CPSF2: variants seen among roughly 807,000 people sequenced by gnomAD.
The protein encoded by CPSF2 is cleavage and polyadenylation specificity factor subunit 2.
CPSF2 carries 51 observed loss-of-function variants against 84.2 expected under a neutral mutation model. The observed-to-expected ratio is 0.61, with a 90% CI of 0.48 to 0.77. The LOEUF (loss-of-function observed/expected upper bound fraction) is 0.77, where lower values mean the gene tolerates loss of function less well. Among genes scored for constraint, CPSF2 ranks in the 30% least tolerant of loss-of-function variants. The probability of loss-of-function intolerance (pLI) is 0.00; values close to 1 mark genes in which losing one functional copy is unlikely to be tolerated. For synonymous variants in CPSF2, 286 were observed against 311.9 expected, an observed-to-expected ratio of 0.92 and a Z score of 0.87; for missense variants, 641 against 929.4, an observed-to-expected ratio of 0.69 and a Z score of 4.03.
intron 6 of CPSF2, among the ~76,000 whole-genome samples, chr14:92,137,451 T>G (rs758587887): frequency 6.6e-6 from 1 of 152,298 alleles, no homozygotes; most frequent in Non-Finnish European, 1.5e-5. Flanking sequence ...TCCAGTGATC[T>G]GCCCACCTCT....
In CPSF2 at chr14:92,157,458, G is replaced by T. The variant is rs2069304622; in HGVS notation, c.1596-201G>T. 6.6e-6 allele frequency among the ~76,000 whole-genome samples: 1 copy of T among 152,138 alleles called. No homozygotes were observed. Among genetic ancestry groups the T allele is most frequent in the Non-Finnish European group, 1.5e-5 (1 of 68,020 alleles). Reference sequence around the variant, plus strand: ...GGAGGTAGAGGTTGCAATGAGCGAAGATCATGCTACTGCACTCTAGCCTGG... The same window carrying T: ...GGAGGTAGAGGTTGCAATGAGCGAATATCATGCTACTGCACTCTAGCCTGG... On this transcript the variant is annotated intron_variant, in intron 12 of 15. Coordinates refer to ENST00000298875, the MANE Select transcript of CPSF2 (RefSeq NM_017437.3). The surrounding 1 kb of genome is among the most constrained non-coding windows in gnomAD (Gnocchi z 4.0).
At chr14:92,148,778 A>AG (rs1261803092) in intron 9 of CPSF2, among the ~76,000 whole-genome samples, 1 of 150,558 alleles carries the variant, frequency 6.6e-6, no homozygotes, top group African/African-American at 2.4e-5. Context: ...TCTCAAAAAA[A>AG]AAAAAAAAAG....
At chr14:92,152,704 A>G (rs1237075968) in intron 9 of CPSF2, among the ~76,000 whole-genome samples, 7 of 152,132 alleles carry the variant, frequency 4.6e-5, no homozygotes, top group African/African-American at 1.2e-4. Flanking sequence ...CTCCCAAAGT[A>G]CTAGGATTAC....
At chr14:92,147,089 C>T (rs1326568998) in intron 9 of CPSF2, among the ~76,000 whole-genome samples, 2 of 152,142 alleles carry the variant, frequency 1.3e-5, no homozygotes, top group Admixed American at 6.5e-5. Context: ...CTCTTCCCAC[C>T]ATCAACTAGA....
intron 3 of CPSF2, among the ~76,000 whole-genome samples, chr14:92,133,637 G>A (rs958209558): frequency 9.5e-6 from 1 of 105,182 alleles, no homozygotes; most frequent in Non-Finnish European, 2.0e-5. Context: ...TTTTTTTTTT[G>A]TATTTTTTAT....
rs772673425 is a variant in CPSF2, at chr14:92,133,999, G to A, written c.150-12G>A. 26 of 1,613,276 alleles carry A rather than the reference G, an allele frequency of 1.6e-5. No homozygotes were observed. The South Asian group carries it at 2.1e-4, about 13-fold the overall frequency. ...GATTCAAGAAGTAGTCCTTTGGATT[G>A]TGTTCTTGTAGGCATGTTCACCAGA... On this transcript the variant is annotated splice_polypyrimidine_tract_variant and intron_variant, in intron 3 of 15. Transcript: ENST00000298875.
chr14:92,140,436 T>C (rs1033740981), intron 7 of CPSF2, among the ~76,000 whole-genome samples: 14 of 143,776 alleles, frequency 9.7e-5, no homozygotes, highest in African/African-American at 2.3e-4. Flanking sequence ...CCCCATCTCT[T>C]TTTTTTTTTT....
intron 9 of CPSF2, 66 bp downstream of exon 9, chr14:92,143,360 A>G: frequency 9.4e-7 from 1 of 1,061,396 alleles, no homozygotes; most frequent in Non-Finnish European, 1.4e-6. Flanking sequence ...TGATGTAAAA[A>G]AATAGTGACC....
Position 92,170,792 on chromosome 14 carries a change from A to G in CPSF2, c.*9048A>G, listed in dbSNP as rs2069507901. 1 of 152,160 alleles carries G rather than the reference A, an allele frequency of 6.6e-6. No homozygotes were observed. 9.4% of individuals were successfully genotyped at this position (152,160 alleles called of 1,614,324 possible). A position where few individuals can be genotyped will look rare whatever the true frequency, so the allele number is the denominator to read the frequency against. ...GAGGTGATGCTGTCTTCTTCTCTGC[A>G]TTGTATCAGGAGGCACATCATGTCA... On this transcript the variant is annotated 3_prime_UTR_variant, in exon 16 of 16. Transcript: ENST00000298875.
rs1315324345 is a variant in CPSF2 at position 92,165,893 on chromosome 14, G to A, written c.*4149G>A. 1 of 56,722 alleles carries A rather than the reference G, an allele frequency of 1.8e-5. No homozygotes were observed. The highest frequency in any genetic ancestry group is 3.3e-4 in the Admixed American group (1 of 3,068). 3.5% of individuals were successfully genotyped at this position (56,722 alleles called of 1,614,324 possible). On this transcript the variant is annotated 3_prime_UTR_variant, in exon 16 of 16. Coordinates refer to ENST00000298875, the MANE Select transcript of CPSF2 (RefSeq NM_017437.3). ...TTTTTTTTTTTTGAGATGGAGTCTT[G>A]CTTTGTCACCCAGGCTGGAGTGCAG...
intron 7 of CPSF2, among the ~76,000 whole-genome samples, chr14:92,139,259 T>A (rs1276001638): frequency 6.6e-6 from 1 of 151,758 alleles, no homozygotes; most frequent in Non-Finnish European, 1.5e-5. Context: ...CTACTAAATA[T>A]ACAAAAAATT....
intron 1 of CPSF2, among the ~76,000 whole-genome samples, chr14:92,122,836 C>T (rs2068792267): frequency 1.3e-5 from 2 of 151,514 alleles, no homozygotes; most frequent in Admixed American, 6.6e-5. Context: ...CCCCTTTAAC[C>T]CCTTTCTTTT....
chr14:92,131,194 A>T, intron 3 of CPSF2, 61 bp downstream of exon 3: 3 of 1,368,106 alleles, frequency 2.2e-6, no homozygotes, highest in Non-Finnish European at 3.0e-6. Context: ...CTGTACTGTA[A>T]TACCATTTCG....
At position 92,155,391 on chromosome 14, in the gene CPSF2, C is replaced by T. The variant is rs1403545072; in HGVS notation, c.1442+68C>T. 4.6e-6 allele frequency: 6 copies of T among 1,302,716 alleles called. No homozygotes were observed. In the African/African-American group the frequency reaches 7.3e-5, roughly 16 times the overall value. 80.7% of individuals were successfully genotyped at this position (1,302,716 alleles called of 1,614,324 possible). Reference sequence around the variant, plus strand: ...TATTAACTGTGTTATCATTTCATTTCAGTGAATTTGATCTTTCACTTGATC... The same window carrying T: ...TATTAACTGTGTTATCATTTCATTTTAGTGAATTTGATCTTTCACTTGATC... On this transcript the variant is annotated intron_variant, in intron 11 of 15. Transcript: ENST00000298875.
chr14:92,159,963 T>G (rs2069348730), intron 14 of CPSF2, among the ~76,000 whole-genome samples: 2 of 151,436 alleles, frequency 1.3e-5, no homozygotes, highest in African/African-American at 4.9e-5. Context: ...GTTTTTTTTT[T>G]GTTTTGTTTT....
intron 1 of CPSF2, among the ~76,000 whole-genome samples, chr14:92,123,086 G>A (rs563516885): frequency 1.3e-5 from 2 of 151,846 alleles, no homozygotes; most frequent in East Asian, 3.9e-4. Context: ...GTTTTCCCTT[G>A]GATTTTGCTT....
In CPSF2 at chr14:92,138,366, C is replaced by A. The variant is rs140906254; in HGVS notation, c.661+19C>A. On this transcript the variant is annotated intron_variant, in intron 7 of 15. Transcript: ENST00000298875. ...CTTCTGAGTACGTATTCTTTCACGT[C>A]CTTATTATTATTATTATTTTGTAAC... 1.1e-4 allele frequency: 127 copies of A among 1,190,032 alleles called. No homozygotes were observed. The Middle Eastern group carries it at 1.4e-3, about 13-fold the overall frequency. The allele number at this position is 1,190,032 out of a possible 1,614,324, so 73.7% of individuals were successfully genotyped here.
chr14:92,161,394 T>C, intron 15 of CPSF2, 148 bp downstream of exon 15: 3 of 881,542 alleles, frequency 3.4e-6, no homozygotes, highest in African/African-American at 1.8e-5. Context: ...CTTACAGAAG[T>C]CTTATTGACT....
Position 92,155,270 on chromosome 14 carries a change from G to A in CPSF2, c.1389G>A (p.Met463Ile), listed in dbSNP as rs1368216595. The change falls in exon 11 of 16, where the codon ATG becomes ATA. Residue 463 changes from methionine (M) to isoleucine (I), a missense_variant. Met to Ile is a conservative substitution (Grantham distance 10, BLOSUM62 1). Around this residue, in one of 2 missense-constraint regions of CPSF2, gnomAD observed 430 missense variants for 553.6 expected, o/e 0.78. Coordinates refer to ENST00000298875, the MANE Select transcript of CPSF2 (RefSeq NM_017437.3). ...FFKQAKKSYPMFPAPEERIKW... is the reference protein window; with the variant it reads ...FFKQAKKSYPIFPAPEERIKW... ...AACAGGCAAAAAAGTCCTATCCTAT[G>A]TTTCCTGCCCCAGAAGAAAGAATTA... 1 of 1,614,076 alleles carries A rather than the reference G, an allele frequency of 6.2e-7. No homozygotes were observed. The highest frequency in any genetic ancestry group is 1.7e-5 in the Admixed American group (1 of 60,006).
Sources: allele counts gnomAD v4.1 joint callset (sites outside exome capture counted in the v4.1 genomes callset), GRCh38; gene constraint gnomAD v4.1.1; regional missense constraint gnomAD v4.1.1; non-coding constraint Gnocchi (gnomAD v3.1); transcripts MANE v1.5; gene names NCBI Gene and HGNC (gene_info 2026-07-23, HGNC 2026-07-21).